Variants in QPRT observed in about 807,000 individuals in gnomAD.
QPRT encodes the protein quinolinate phosphoribosyltransferase, also known as nicotinate-nucleotide pyrophosphorylase [carboxylating].
A neutral mutation model predicts 19.8 loss-of-function variants in QPRT; 17 were observed. The observed-to-expected ratio is 0.86, with a 90% CI of 0.59 to 1.29. The LOEUF (loss-of-function observed/expected upper bound fraction) is 1.29. Ranked by LOEUF, QPRT falls within the 50% of genes most tolerant of loss-of-function variation. QPRT has a pLI of 0.00. For synonymous variants in QPRT, 178 were observed against 191.0 expected, an observed-to-expected ratio of 0.93 and a Z score of 0.56; for missense variants, 336 against 405.1, an observed-to-expected ratio of 0.83 and a Z score of 1.46.
At position 29,695,016 on chromosome 16, in the gene QPRT, G is replaced by A; in HGVS notation, c.366G>A (p.Val122=). Residue 122 remains valine, a synonymous_variant, in exon 2 of 4, where the codon GTG becomes GTA. Transcript: ENST00000395384. The stretch of plus-strand genomic sequence containing the variant: ...TTGCCAGTGCTGCCGCCGCTGCAGT[G>A]GAGGCCGCCAGGGGGGCCGGCTGGA... ...SGIASAAAAA[V]EAARGAGWTG... The A allele has an allele frequency of 6.2e-7, 1 of 1,605,206 alleles. No homozygotes were observed. Among genetic ancestry groups the A allele is most frequent in the Admixed American group, 1.7e-5 (1 of 59,806 alleles).
chr16:29,684,105 C>T (rs1361347498), intron 1 of QPRT, among the ~76,000 whole-genome samples: 1 of 151,972 alleles, frequency 6.6e-6, no homozygotes, highest in Non-Finnish European at 1.5e-5. Flanking sequence ...TTGGACATGC[C>T]CTGTGGGTTC....
intron 1 of QPRT, among the ~76,000 whole-genome samples, chr16:29,684,815 G>A (rs1255570539): frequency 1.3e-5 from 2 of 152,196 alleles, no homozygotes; most frequent in Non-Finnish European, 2.9e-5. Context: ...TTCAGGAAAC[G>A]CTTTGGGATT....
At chr16:29,680,969 G>C (rs1306149876) in intron 1 of QPRT, among the ~76,000 whole-genome samples, 1 of 151,942 alleles carries the variant, frequency 6.6e-6, no homozygotes, top group Admixed American at 6.6e-5. Context: ...ATAGTTCCCT[G>C]CTCAGAAGGT....
intron 1 of QPRT, 141 bp downstream of exon 1, chr16:29,679,351 A>C: frequency 1.7e-6 from 1 of 577,206 alleles, no homozygotes; most frequent in Non-Finnish European, 3.1e-6. Context: ...TCCCTTACCT[A>C]CCCCATGTCC....
intron 1 of QPRT, among the ~76,000 whole-genome samples, chr16:29,689,737 C>T (rs915254653): frequency 6.6e-6 from 1 of 152,052 alleles, no homozygotes; most frequent in Admixed American, 6.6e-5. Context: ...AGATTCCAGA[C>T]ATTGTATGGA....
chr16:29,697,211 A>T lies in QPRT; in HGVS notation c.694A>T (p.Thr232Ser). 6.2e-7 allele frequency: 1 copy of T among 1,610,544 alleles called. No individual in the cohort carries two copies. Among genetic ancestry groups the T allele is most frequent in the Non-Finnish European group, 8.5e-7 (1 of 1,177,690 alleles). Residue 232 changes from threonine (T) to serine (S), a missense_variant, in exon 4 of 4, where the codon ACG (threonine) becomes TCG (serine). By Grantham distance (58) the Thr-to-Ser change is moderately conservative. Transcript: ENST00000395384. The surrounding 1 kb of genome is among the most constrained non-coding windows in gnomAD (Gnocchi z 4.4). Reference sequence around the variant, plus strand: ...TTGTGTCCCGCAGGAGCTGCACCCCACGGCCACCGTGCTGAAGGCCCAGTT... The same window carrying T: ...TTGTGTCCCGCAGGAGCTGCACCCCTCGGCCACCGTGCTGAAGGCCCAGTT... ...DNFKPEELHPTATVLKAQFPS... is the reference protein window; with the variant it reads ...DNFKPEELHPSATVLKAQFPS...
Position 29,694,062 on chromosome 16 carries a change from G to T in QPRT, c.14-602G>T, listed in dbSNP as rs190076471. 2.5e-4 allele frequency among the ~76,000 whole-genome samples: 38 copies of T among 151,752 alleles called. No individual in the cohort carries two copies. The East Asian group carries it at 7.4e-3, about 29-fold the overall frequency. On this transcript the variant is annotated intron_variant, in intron 1 of 3. Coordinates refer to ENST00000395384, the MANE Select transcript of QPRT (RefSeq NM_014298.6). ...ACCCCTGACCTCAAGTGATCTGCCT[G>T]CCCCAGCCTCCCAAAGTGTTTGGGA...
chr16:29,688,900 C>T (rs1212871034), intron 1 of QPRT, among the ~76,000 whole-genome samples: 5 of 151,632 alleles, frequency 3.3e-5, no homozygotes, highest in Admixed American at 6.6e-5. Context: ...CCTGCCTCAG[C>T]CTCCCGAGTA....
chr16:29,681,367 A>T (rs542863572), intron 1 of QPRT, among the ~76,000 whole-genome samples: 1 of 151,612 alleles, frequency 6.6e-6, no homozygotes, highest in Non-Finnish European at 1.5e-5. Flanking sequence ...TTACTGAGGG[A>T]TCAGGGATGG....
At chr16:29,690,118 A>G (rs917628470) in intron 1 of QPRT, among the ~76,000 whole-genome samples, 6 of 151,178 alleles carry the variant, frequency 4.0e-5, no homozygotes, top group African/African-American at 1.5e-4. Context: ...ATAAGTGAGA[A>G]CACGCGGTAT....
chr16:29,688,367 C>G (rs1441080176), intron 1 of QPRT, among the ~76,000 whole-genome samples: 1 of 152,022 alleles, frequency 6.6e-6, no homozygotes, highest in African/African-American at 2.4e-5. Context: ...ACTGGCTAAG[C>G]TGACTTAGCA....
chr16:29,694,518 C>A, intron 1 of QPRT, 146 bp from the exon 2 acceptor site: 2 of 580,430 alleles, frequency 3.4e-6, no homozygotes, highest in Non-Finnish European at 2.7e-6. Flanking sequence ...CGCCCCCCTT[C>A]CTCACCGCAG....
rs778757843 is a variant in QPRT at position 29,697,018 on chromosome 16, C to T, written c.572C>T (p.Ala191Val). The T allele has an allele frequency of 3.1e-5, 50 of 1,607,960 alleles. No homozygotes were observed. The highest frequency in any genetic ancestry group is 1.5e-4 in the Admixed American group (9 of 59,722). The change falls in exon 3 of 4, where the codon GCG becomes GTG. Residue 191 changes from alanine (A) to valine (V), a missense_variant. Ala to Val is a moderately conservative substitution (Grantham distance 64). Transcript: ENST00000395384. The surrounding 1 kb of genome is among the most constrained non-coding windows in gnomAD (Gnocchi z 4.4). Reference protein sequence around the residue: ...VEKAVRAARQAADFTLKVEVE... With the variant: ...VEKAVRAARQVADFTLKVEVE... ...CAGGCGGTGCGGGCGGCCAGACAGG[C>T]GGCTGACTTCACTCTGAAGGTGGAA...
chr16:29,692,867 C>T (rs1232339713), intron 1 of QPRT, among the ~76,000 whole-genome samples: 1 of 152,028 alleles, frequency 6.6e-6, no homozygotes, highest in Non-Finnish European at 1.5e-5. Context: ...TCCAGACCAG[C>T]CTGGCCAACA....
At chr16:29,686,006 A>G (rs944379284) in intron 1 of QPRT, among the ~76,000 whole-genome samples, 2 of 151,868 alleles carry the variant, frequency 1.3e-5, no homozygotes, top group Non-Finnish European at 2.9e-5. Context: ...GATTACAGGC[A>G]TGTGCCACCA....
chr16:29,691,399 G>A (rs1270042857), intron 1 of QPRT, among the ~76,000 whole-genome samples: 1 of 142,802 alleles, frequency 7.0e-6, no homozygotes, highest in Admixed American at 7.1e-5. Context: ...AAAAAATCAG[G>A]GTGGGCACAG....
chr16:29,694,539 G>C, intron 1 of QPRT, 125 bp from the exon 2 acceptor site: 3 of 950,352 alleles, frequency 3.2e-6, no homozygotes, highest in Middle Eastern at 3.5e-4. Context: ...TCCCCCCCCT[G>C]GGACCCCTAG....
rs149715928 is a variant in QPRT at position 29,686,781 on chromosome 16, T to C, written c.13+7571T>C. 1.3e-3 allele frequency among the ~76,000 whole-genome samples: 193 copies of C among 152,278 alleles called. 1 individual carries two copies. Among genetic ancestry groups the C allele is most frequent in the African/African-American group, 4.3e-3 (180 of 41,562 alleles). Reference sequence around the variant, plus strand: ...TCGGCCTCCCAAAGTTCTGGGATTATAGGCGTGAGCCACTGTGCCCAGCCT... The same window carrying C: ...TCGGCCTCCCAAAGTTCTGGGATTACAGGCGTGAGCCACTGTGCCCAGCCT... On this transcript the variant is annotated intron_variant, in intron 1 of 3. Transcript: ENST00000395384.
intron 1 of QPRT, among the ~76,000 whole-genome samples, chr16:29,680,727 G>A (rs1287921270): frequency 1.3e-5 from 2 of 152,074 alleles, no homozygotes; most frequent in Admixed American, 1.3e-4. Flanking sequence ...GAGCACTTGA[G>A]GTCAGGTGTT....
Sources: gnomAD v4.1 joint callset for allele counts (sites outside exome capture counted in the v4.1 genomes callset) on GRCh38, gnomAD v4.1.1 for gene constraint, Gnocchi (gnomAD v3.1) non-coding constraint, MANE v1.5 for transcripts, NCBI Gene and HGNC (gene_info 2026-07-23, HGNC 2026-07-21) for gene names.